The following PSD3 variants were observed in gnomAD, a reference collection of about 807,000 sequenced individuals.
The protein encoded by PSD3 is pleckstrin and Sec7 domain containing 3.
In PSD3, 49 loss-of-function variants were observed where a neutral mutation model predicts 105.5. That is an observed-to-expected ratio of 0.46 (90% CI 0.37 to 0.59). The LOEUF (loss-of-function observed/expected upper bound fraction) is 0.59. Ranked by LOEUF, PSD3 falls within the 20% of genes least tolerant of loss-of-function variation. PSD3 has a pLI of 0.00. For missense variants in PSD3, 1,561 were observed against 1,263.8 expected, an observed-to-expected ratio of 1.24 and a Z score of -3.57; for synonymous variants, 557 against 457.8, an observed-to-expected ratio of 1.22 and a Z score of -2.77.
chr8:18,831,172 G>C (rs1352758194), intron 4 of PSD3, among the ~76,000 whole-genome samples: 1 of 151,556 alleles, frequency 6.6e-6, no homozygotes, highest in Non-Finnish European at 1.5e-5. Flanking sequence ...ATCTGGTTCT[G>C]AAGCTAAACG....
chr8:18,598,669 C>A (rs10091332), intron 12 of PSD3, among the ~76,000 whole-genome samples: 61,651 of 151,768 alleles, frequency 0.41, 12,558 homozygotes, highest in South Asian at 0.58. Flanking sequence ...AAAGATTCCC[C>A]AAAAACCTAT....
At chr8:19,011,922 G>T (rs13271357) in intron 1 of PSD3, among the ~76,000 whole-genome samples, 37,557 of 152,146 alleles carry the variant, frequency 0.25, 5,708 homozygotes, top group Middle Eastern at 0.38. Context: ...TTTAGAATGT[G>T]AAATTAAGAG....
intron 2 of PSD3, among the ~76,000 whole-genome samples, chr8:18,882,869 G>GCA (rs947076959): frequency 2.0e-5 from 3 of 149,950 alleles, no homozygotes; most frequent in Non-Finnish European, 4.4e-5. Flanking sequence ...ACACACGCAC[G>GCA]CACACACACA....
At chr8:18,865,800 T>A (rs1412376131) in intron 4 of PSD3, among the ~76,000 whole-genome samples, 2 of 152,168 alleles carry the variant, frequency 1.3e-5, no homozygotes, top group African/African-American at 4.8e-5. Flanking sequence ...CAGCTGAAAC[T>A]TTATCTCAAC....
At chr8:19,002,326 A>C (rs1233052847) in intron 1 of PSD3, among the ~76,000 whole-genome samples, 6 of 151,954 alleles carry the variant, frequency 3.9e-5, no homozygotes, top group Admixed American at 3.3e-4. Context: ...AGGGTGTGTA[A>C]CTTTCTGGTC....
At chr8:18,914,774 T>A (rs1820472973) in intron 2 of PSD3, among the ~76,000 whole-genome samples, 1 of 152,238 alleles carries the variant, frequency 6.6e-6, no homozygotes, top group African/African-American at 2.4e-5. Flanking sequence ...AAAATGTCCC[T>A]ATTACCTAAA....
At chr8:18,768,271 G>A (rs1048469910) in intron 8 of PSD3, among the ~76,000 whole-genome samples, 1 of 151,914 alleles carries the variant, frequency 6.6e-6, no homozygotes, top group South Asian at 2.1e-4. Flanking sequence ...GAGCGACAGA[G>A]AGAGAGTCCA....
chr8:18,697,558 T>C (rs949458680), intron 9 of PSD3, among the ~76,000 whole-genome samples: 1 of 152,220 alleles, frequency 6.6e-6, no homozygotes, highest in East Asian at 1.9e-4. Flanking sequence ...GGGAACATTT[T>C]ATATTCTAGA....
chr8:18,716,429 G>C (rs1417749355), intron 9 of PSD3, among the ~76,000 whole-genome samples: 1 of 152,146 alleles, frequency 6.6e-6, no homozygotes, highest in Non-Finnish European at 1.5e-5. Flanking sequence ...TGATTAATGA[G>C]GAGCCAATGA....
At chr8:18,782,467 A>T (rs1808731626) in intron 8 of PSD3, among the ~76,000 whole-genome samples, 2 of 152,182 alleles carry the variant, frequency 1.3e-5, no homozygotes, top group Non-Finnish European at 2.9e-5. Flanking sequence ...TGAGTTCCTC[A>T]GTGGATAAAG....
At chr8:18,787,004 T>C (rs1427775688) in intron 8 of PSD3, among the ~76,000 whole-genome samples, 1 of 152,226 alleles carries the variant, frequency 6.6e-6, no homozygotes, top group Admixed American at 6.5e-5. Context: ...CCTCACGATG[T>C]CTGGATTTTT....
At chr8:18,561,970 T>A (rs918607663) in intron 14 of PSD3, among the ~76,000 whole-genome samples, 1 of 152,040 alleles carries the variant, frequency 6.6e-6, no homozygotes, top group Non-Finnish European at 1.5e-5. Flanking sequence ...AAGATTTACA[T>A]AGTACTTATC....
intron 4 of PSD3, among the ~76,000 whole-genome samples, chr8:18,865,999 C>T (rs950577997): frequency 9.2e-5 from 14 of 152,306 alleles, no homozygotes; most frequent in African/African-American, 3.4e-4. Context: ...CACTGGTGTT[C>T]ATCTCTCGGC....
intron 8 of PSD3, among the ~76,000 whole-genome samples, chr8:18,777,426 T>C (rs963358979): frequency 3.3e-5 from 5 of 152,242 alleles, no homozygotes; most frequent in Non-Finnish European, 1.5e-5. Context: ...TCACTTTTTA[T>C]GCTCTGACCT....
chr8:18,843,856 T>G (rs537882698), intron 4 of PSD3, among the ~76,000 whole-genome samples: 1 of 152,116 alleles, frequency 6.6e-6, no homozygotes, highest in African/African-American at 2.4e-5. Flanking sequence ...ATTATCTCAA[T>G]TGATCCTGAC....
chr8:18,705,770 G>A (rs1391961872), intron 9 of PSD3, among the ~76,000 whole-genome samples: 2 of 152,094 alleles, frequency 1.3e-5, no homozygotes, highest in Non-Finnish European at 2.9e-5. Context: ...TTGGGGAGGA[G>A]TTGAGTATAT....
At chr8:18,755,689 A>G (rs1361982729) in intron 9 of PSD3, among the ~76,000 whole-genome samples, 4 of 152,058 alleles carry the variant, frequency 2.6e-5, no homozygotes, top group Non-Finnish European at 5.9e-5. Flanking sequence ...TGGGGGTTAA[A>G]AATCTGTTTG....
At chr8:19,029,071 G>A (rs1464395849) in intron 1 of PSD3, among the ~76,000 whole-genome samples, 1 of 152,058 alleles carries the variant, frequency 6.6e-6, no homozygotes, top group Non-Finnish European at 1.5e-5. Context: ...TAGCTTTATA[G>A]TAATATTGAG....
rs1799708733 is a variant in PSD3 at position 18,533,420 on chromosome 8, C to G, written c.*2323G>C. The G allele has an allele frequency of 6.6e-6, 1 of 152,196 alleles. No homozygotes were observed. Among genetic ancestry groups the G allele is most frequent in the African/African-American group, 2.4e-5 (1 of 41,430 alleles). The allele number at this position is 152,196 out of a possible 1,614,324, so 9.4% of individuals were successfully genotyped here. On this transcript the variant is annotated 3_prime_UTR_variant, in exon 16 of 16. Coordinates refer to ENST00000327040, the MANE Select transcript of PSD3 (RefSeq NM_015310.4). ...CCTTCGTATCCAATGATCTATTAGC[C>G]TATCCAGAAGTCCCTGGAGTTAATA...
Sources: allele counts gnomAD v4.1 joint callset (sites outside exome capture counted in the v4.1 genomes callset), GRCh38; gene constraint gnomAD v4.1.1; transcripts MANE v1.5; gene names NCBI Gene and HGNC (gene_info 2026-07-23, HGNC 2026-07-21).